The following P4HA3 variants were observed in gnomAD, a reference collection of about 807,000 sequenced individuals.
P4HA3 encodes prolyl 4-hydroxylase subunit alpha-3.
In P4HA3, 60 loss-of-function variants were observed where a neutral mutation model predicts 66.7. That is an observed-to-expected ratio of 0.90 (90% CI 0.73 to 1.12). P4HA3 has a LOEUF of 1.12. P4HA3 is among the 50% of genes most tolerant of loss of function. The probability of loss-of-function intolerance (pLI) is 0.00; values close to 1 mark genes in which losing one functional copy is unlikely to be tolerated. For synonymous variants in P4HA3, 263 were observed against 274.6 expected (o/e 0.96, Z 0.42); for missense variants, 683 against 685.8 (o/e 1.00, Z 0.05).
intron 3 of P4HA3, among the ~76,000 whole-genome samples, chr11:74,300,400 G>A (rs767048466): frequency 6.6e-6 from 1 of 152,210 alleles, no homozygotes; most frequent in Non-Finnish European, 1.5e-5. Flanking sequence ...GGAGGCTGAG[G>A]CAGGAGGATC....
Position 74,266,868 on chromosome 11 carries a change from G to T in P4HA3, c.*380C>A. 1.4e-6 allele frequency: 1 copy of T among 736,462 alleles called. No homozygotes were observed. Among genetic ancestry groups the T allele is most frequent in the Non-Finnish European group, 2.1e-6 (1 of 465,878 alleles). The allele number at this position is 736,462 out of a possible 1,614,324, so 45.6% of individuals were successfully genotyped here. On this transcript the variant is annotated 3_prime_UTR_variant, in exon 13 of 13. Transcript: ENST00000331597. ...AGTCAGGCTAGCCCCTCCTGCAGGTGTCCTCATTGCCACTTCTTGGTCCCT... is the reference window on the plus strand; with the variant it reads ...AGTCAGGCTAGCCCCTCCTGCAGGTTTCCTCATTGCCACTTCTTGGTCCCT...
chr11:74,259,283 G>A (rs945226831), intron 15 of P4HA3, among the ~76,000 whole-genome samples: 13 of 152,180 alleles, frequency 8.5e-5, no homozygotes, highest in African/African-American at 2.9e-4. Flanking sequence ...GGAGGCTGAC[G>A]CAGGAGAATT....
At chr11:74,271,740 T>G (rs934185708) in intron 10 of P4HA3, among the ~76,000 whole-genome samples, 1 of 152,148 alleles carries the variant, frequency 6.6e-6, no homozygotes, top group Non-Finnish European at 1.5e-5. Flanking sequence ...TCTTAAAGAT[T>G]ATTTTCTCCC....
intron 9 of P4HA3, among the ~76,000 whole-genome samples, chr11:74,274,293 GT>G (rs1235463975): frequency 2.6e-4 from 37 of 143,744 alleles, no homozygotes; most frequent in African/African-American, 7.7e-4. Flanking sequence ...CCAATTCTTG[GT>G]TTTTTTTTTG....
chr11:74,273,433 G>T, intron 10 of P4HA3, 112 bp downstream of exon 10: 1 of 984,582 alleles, frequency 1.0e-6, no homozygotes, highest in Non-Finnish European at 1.4e-6. Flanking sequence ...AATTCCTGGA[G>T]ATTTTTGCGC....
chr11:74,275,796 G>A (rs541582019), intron 9 of P4HA3, among the ~76,000 whole-genome samples: 1 of 152,130 alleles, frequency 6.6e-6, no homozygotes, highest in South Asian at 2.1e-4. Flanking sequence ...AATCACTACT[G>A]GGTATCTACC....
At chr11:74,308,679 ATTTG>A (rs1414373999) in intron 1 of P4HA3, among the ~76,000 whole-genome samples, 3 of 152,094 alleles carry the variant, frequency 2.0e-5, no homozygotes, top group Non-Finnish European at 2.9e-5. Context: ...AACTTTTCTG[ATTTG>A]TTTTTTTATC....
At chr11:74,292,752 G>A (rs926006539) in intron 4 of P4HA3, among the ~76,000 whole-genome samples, 89 of 152,156 alleles carry the variant, frequency 5.8e-4, no homozygotes, top group African/African-American at 2.0e-3. Context: ...GTAGTTGAGC[G>A]GTTTTGAGTG....
chr11:74,295,348 A>G (rs1031955625), intron 4 of P4HA3, among the ~76,000 whole-genome samples: 2 of 152,182 alleles, frequency 1.3e-5, no homozygotes, highest in Admixed American at 1.3e-4. Flanking sequence ...GTCAAAAGGA[A>G]ATAGGGCTTT....
At chr11:74,252,261 T>G (rs537670982) in intron 15 of P4HA3, among the ~76,000 whole-genome samples, 359 of 151,094 alleles carry the variant, frequency 2.4e-3, no homozygotes, top group Non-Finnish European at 4.2e-3. Flanking sequence ...GTTTTTTTTT[T>G]TTTTTAGTAA....
chr11:74,291,824 A>G (rs1239329179), intron 4 of P4HA3, among the ~76,000 whole-genome samples: 2 of 152,034 alleles, frequency 1.3e-5, no homozygotes, highest in African/African-American at 2.4e-5. Flanking sequence ...AAGCTTTTTG[A>G]TGTGCTGCTG....
At chr11:74,280,752 C>T (rs1381255607) in intron 7 of P4HA3, among the ~76,000 whole-genome samples, 1 of 152,128 alleles carries the variant, frequency 6.6e-6, no homozygotes, top group Non-Finnish European at 1.5e-5. Flanking sequence ...CACAGGCAGG[C>T]AGAGCAGTGC....
intron 15 of P4HA3, among the ~76,000 whole-genome samples, chr11:74,255,074 G>T (rs1337972377): frequency 1.3e-5 from 2 of 152,136 alleles, no homozygotes; most frequent in Non-Finnish European, 2.9e-5. Context: ...TCCTCCTCCT[G>T]TCTCTCCCAG....
At chr11:74,285,776 G>C in intron 7 of P4HA3, 33 bp downstream of exon 7, 2 of 1,599,384 alleles carry the variant, frequency 1.3e-6, no homozygotes, top group Non-Finnish European at 8.5e-7. Flanking sequence ...GAAGATGAAA[G>C]AGAAATTCTT....
At chr11:74,288,891 G>C (rs1236699124) in intron 5 of P4HA3, among the ~76,000 whole-genome samples, 188 bp downstream of exon 5, 1 of 148,714 alleles carries the variant, frequency 6.7e-6, no homozygotes, top group Admixed American at 6.8e-5. Context: ...AGAGGTTGCA[G>C]TGAGCAGAGA....
At chr11:74,263,238 A>C (rs1417143216), downstream of P4HA3, among the ~76,000 whole-genome samples, 1 of 152,252 alleles carries the variant, frequency 6.6e-6, no homozygotes, top group Non-Finnish European at 1.5e-5. Context: ...TAGCATGGGC[A>C]GATCACTCGA....
chr11:74,294,642 T>C (rs956996981), intron 4 of P4HA3, among the ~76,000 whole-genome samples: 1 of 152,194 alleles, frequency 6.6e-6, no homozygotes, highest in Non-Finnish European at 1.5e-5. Flanking sequence ...GTCCTTTCTG[T>C]TTGTTAGTTT....
chr11:74,270,649 G>A (rs1397461118), intron 10 of P4HA3, among the ~76,000 whole-genome samples: 2 of 152,036 alleles, frequency 1.3e-5, no homozygotes, highest in Middle Eastern at 3.2e-3. Flanking sequence ...AGTTACAATC[G>A]TTATTATTTT....
chr11:74,273,071 A>G (rs1229538008), intron 10 of P4HA3, among the ~76,000 whole-genome samples: 1 of 152,212 alleles, frequency 6.6e-6, no homozygotes, highest in Non-Finnish European at 1.5e-5. Flanking sequence ...CAGAGGCAGC[A>G]CTTGCTGAAT....
Sources: allele counts gnomAD v4.1 joint callset (sites outside exome capture counted in the v4.1 genomes callset), GRCh38; gene constraint gnomAD v4.1.1; transcripts MANE v1.5; gene names NCBI Gene and HGNC (gene_info 2026-07-23, HGNC 2026-07-21).